NFX1: variants seen among roughly 807,000 people sequenced by gnomAD.
The protein encoded by NFX1 is transcriptional repressor NF-X1.
A neutral mutation model predicts 137.2 loss-of-function variants in NFX1; 69 were observed. That is an observed-to-expected ratio of 0.50 (90% CI 0.41 to 0.61). The LOEUF (loss-of-function observed/expected upper bound fraction) is 0.61, where lower values mean the gene tolerates loss of function less well. Ranked by LOEUF, NFX1 falls within the 20% of genes least tolerant of loss-of-function variation. The pLI is 0.00. For missense variants in NFX1, 1,167 were observed against 1,391.0 expected (o/e 0.84, Z 2.56); for synonymous variants, 495 against 474.1 (o/e 1.04, Z -0.57).
At chr9:33,369,620 C>G (rs969840531) in intron 23 of NFX1, among the ~76,000 whole-genome samples, 1 of 152,040 alleles carries the variant, frequency 6.6e-6, no homozygotes, top group East Asian at 1.9e-4. Context: ...ATATGAAATC[C>G]TGTAAATAGA....
intron 9 of NFX1, among the ~76,000 whole-genome samples, chr9:33,323,523 G>A (rs1041738416): frequency 6.6e-6 from 1 of 152,150 alleles, no homozygotes; most frequent in Admixed American, 6.5e-5. Flanking sequence ...GGGAGGCTGA[G>A]GCAGGAGGAT....
At chr9:33,345,845 C>T (rs553310572) in intron 14 of NFX1, among the ~76,000 whole-genome samples, 1 of 152,268 alleles carries the variant, frequency 6.6e-6, no homozygotes, top group South Asian at 2.1e-4. Context: ...GATACCAGGC[C>T]AACAACCATT....
At chr9:33,345,250 G>A (rs1287653038) in intron 14 of NFX1, among the ~76,000 whole-genome samples, 2 of 152,058 alleles carry the variant, frequency 1.3e-5, no homozygotes, top group East Asian at 3.9e-4. Context: ...GCTGAGGCAG[G>A]TGGATCACCT....
At chr9:33,349,923 C>A (rs1187136097) in intron 15 of NFX1, among the ~76,000 whole-genome samples, 1 of 152,092 alleles carries the variant, frequency 6.6e-6, no homozygotes, top group Non-Finnish European at 1.5e-5. Context: ...AGGAGGATCA[C>A]TTGAACTCAG....
chr9:33,351,816 G>A (rs1480645805), intron 16 of NFX1, 26 bp downstream of exon 16: 3 of 1,533,960 alleles, frequency 2.0e-6, no homozygotes, highest in Non-Finnish European at 1.8e-6. Flanking sequence ...CACAGATGCA[G>A]CATTGACTGT....
Position 33,328,579 on chromosome 9 carries a change from A to C in NFX1, c.1907-2A>C. The C allele has an allele frequency of 6.2e-7, 1 of 1,600,072 alleles. No homozygotes were observed. The highest frequency in any genetic ancestry group is 1.3e-5 in the African/African-American group (1 of 74,706). ...TTCCAGCTCTTTTCGTTTTTATTAAAGATTTCATTCATACCTGTGAAAAGC... is the reference window on the plus strand; with the variant it reads ...TTCCAGCTCTTTTCGTTTTTATTAACGATTTCATTCATACCTGTGAAAAGC... On this transcript the variant is annotated splice_acceptor_variant, in intron 9 of 23. Coordinates refer to ENST00000379540, the MANE Select transcript of NFX1 (RefSeq NM_002504.6). LOFTEE classifies it high-confidence loss of function.
intron 15 of NFX1, among the ~76,000 whole-genome samples, chr9:33,350,338 A>T (rs1203673251): frequency 1.3e-5 from 2 of 151,904 alleles, no homozygotes; most frequent in African/African-American, 4.8e-5. Flanking sequence ...ATAAAACGAA[A>T]AAATGGCCCT....
At chr9:33,309,085 C>A (rs200131309) in intron 5 of NFX1, among the ~76,000 whole-genome samples, 1 of 152,140 alleles carries the variant, frequency 6.6e-6, no homozygotes, top group African/African-American at 2.4e-5. Context: ...TGGCTGGGCG[C>A]GGTGGCTCAT....
rs1821292417 is a variant in NFX1 at position 33,294,834 on chromosome 9, G to A, written c.440G>A (p.Arg147Lys). The A allele has an allele frequency of 1.2e-6, 2 of 1,614,168 alleles. No individual in the cohort carries two copies. Among genetic ancestry groups the A allele is most frequent in the South Asian group, 1.1e-5 (1 of 91,088 alleles). ...STRSESGTDL[R>K]EHSPSESEKE... ...AGATCAGAGAGTGGGACAGACCTCA[G>A]AGAGCATAGTCCTTCTGAGAGTGAG... The change falls in exon 2 of 24, where the codon AGA becomes AAA. Residue 147 changes from arginine (R) to lysine (K), a missense_variant. Arg to Lys is a conservative substitution (Grantham distance 26, BLOSUM62 2). This residue lies in a region of NFX1 where 367 missense variants were observed against 386.7 expected (regional missense o/e 0.95). Transcript: ENST00000379540.
intron 15 of NFX1, among the ~76,000 whole-genome samples, chr9:33,349,001 T>C (rs2118626459): frequency 6.6e-6 from 1 of 152,376 alleles, no homozygotes; most frequent in Admixed American, 6.5e-5. Context: ...CATGGACGTA[T>C]ATTCCTCCAC....
intron 5 of NFX1, among the ~76,000 whole-genome samples, chr9:33,310,239 GATTA>G (rs572632231): frequency 1.0e-3 from 152 of 152,294 alleles, no homozygotes; most frequent in Admixed American, 1.6e-3. Flanking sequence ...TTACCCATCT[GATTA>G]ATTAGTCTTG....
chr9:33,303,310 C>G (rs369215940), intron 4 of NFX1, 42 bp downstream of exon 4: 1 of 1,525,928 alleles, frequency 6.6e-7, no homozygotes, highest in African/African-American at 1.4e-5. Flanking sequence ...TTACTACATA[C>G]ATTGTACCTC....
chr9:33,302,343 TTCTA>T (rs920211068), intron 3 of NFX1, among the ~76,000 whole-genome samples: 4 of 148,238 alleles, frequency 2.7e-5, no homozygotes, highest in Admixed American at 7.0e-5. Context: ...ATCTTATTCC[TTCTA>T]TCTAACTGTA....
intron 2 of NFX1, among the ~76,000 whole-genome samples, chr9:33,300,830 G>T (rs1215236080): frequency 2.6e-5 from 4 of 152,260 alleles, no homozygotes; most frequent in Non-Finnish European, 4.4e-5. Flanking sequence ...GTTGGAACCT[G>T]CCCAGACTTG....
At position 33,352,855 on chromosome 9, in the gene NFX1, G is replaced by T. The variant is rs911057558; in HGVS notation, c.2729+136G>T. 4 of 673,680 alleles carry T rather than the reference G, an allele frequency of 5.9e-6. No individual in the cohort carries two copies. The African/African-American group carries it at 7.1e-5, about 12-fold the overall frequency. The allele number at this position is 673,680 out of a possible 1,614,324, so 41.7% of individuals were successfully genotyped here. A position where few individuals can be genotyped will look rare whatever the true frequency, so the allele number is the denominator to read the frequency against. ...AAGTCTGTAACTGTTGTAATCAGTT[G>T]TAAACACCACTGCACAGATACATGT... On this transcript the variant is annotated intron_variant, in intron 17 of 23. Transcript: ENST00000379540.
intron 20 of NFX1, among the ~76,000 whole-genome samples, chr9:33,364,479 C>G (rs528485249): frequency 6.6e-6 from 1 of 152,302 alleles, no homozygotes; most frequent in Non-Finnish European, 1.5e-5. Context: ...TATTTTTCTC[C>G]TGGAGTCCCT....
intron 10 of NFX1, 95 bp from the exon 11 acceptor site, chr9:33,332,377 A>G: frequency 8.4e-7 from 1 of 1,189,768 alleles, no homozygotes; most frequent in East Asian, 2.5e-5. Context: ...AGTATGGGAT[A>G]TTTGGGATAT....
At position 33,354,166 on chromosome 9, in the gene NFX1, A is replaced by G. The variant is rs1406573885; in HGVS notation, c.2810A>G (p.Lys937Arg). 7 of 1,613,320 alleles carry G rather than the reference A, an allele frequency of 4.3e-6. No homozygotes were observed. Among genetic ancestry groups the G allele is most frequent in the Non-Finnish European group, 5.9e-6 (7 of 1,179,752 alleles). The change falls in exon 18 of 24, where the codon AAA becomes AGA. Residue 937 changes from lysine (K) to arginine (R), a missense_variant. Transcript: ENST00000379540. ...GSVEISKLIT[K>R]KEVHQARLEC... ...GTGGAGATCAGCAAGTTAATTACCAAAAAGGAAGTTCATCAAGCCAGGTAA... is the reference window on the plus strand; with the variant it reads ...GTGGAGATCAGCAAGTTAATTACCAGAAAGGAAGTTCATCAAGCCAGGTAA...
chr9:33,370,083 C>G lies in NFX1; in HGVS notation c.*105C>G. On this transcript the variant is annotated 3_prime_UTR_variant, in exon 24 of 24. Transcript: ENST00000379540. Reference sequence around the variant, plus strand: ...CCCCTCTGCCTGGCAGAATCACAGTCTCACATACTGTCTTGTACTGACACA... The same window carrying G: ...CCCCTCTGCCTGGCAGAATCACAGTGTCACATACTGTCTTGTACTGACACA... 1.2e-6 allele frequency: 1 copy of G among 818,868 alleles called. No individual in the cohort carries two copies. Among genetic ancestry groups the G allele is most frequent in the South Asian group, 1.5e-5 (1 of 65,714 alleles). The allele number at this position is 818,868 out of a possible 1,614,324, so 50.7% of individuals were successfully genotyped here.
Sources: gnomAD v4.1 joint callset for allele counts (sites outside exome capture counted in the v4.1 genomes callset) on GRCh38, gnomAD v4.1.1 for gene constraint, gnomAD v4.1.1 regional missense constraint, MANE v1.5 for transcripts, NCBI Gene and HGNC (gene_info 2026-07-23, HGNC 2026-07-21) for gene names.